The following SNTG1 variants were observed in gnomAD, a reference collection of about 807,000 sequenced individuals.
The protein encoded by SNTG1 is gamma-1-syntrophin.
A neutral mutation model predicts 74.7 loss-of-function variants in SNTG1; 39 were observed. The ratio of observed to expected loss-of-function variants is 0.52; its 90% CI spans 0.40 to 0.68. The LOEUF (loss-of-function observed/expected upper bound fraction) is 0.68. Ranked by LOEUF, SNTG1 falls within the 30% of genes least tolerant of loss-of-function variation. The probability of loss-of-function intolerance (pLI) is 0.00; values close to 1 mark genes in which losing one functional copy is unlikely to be tolerated. For missense variants in SNTG1, 685 were observed against 609.5 expected (o/e 1.12, Z -1.30); for synonymous variants, 254 against 217.1 (o/e 1.17, Z -1.49).
chr8:50,711,953 A>G (rs2095462764), intron 17 of SNTG1, among the ~76,000 whole-genome samples: 1 of 152,212 alleles, frequency 6.6e-6, no homozygotes, highest in Non-Finnish European at 1.5e-5. Context: ...TACTTAAATA[A>G]TTTACATAGC....
At chr8:50,475,170 ATGCATATGTAACAAACCTGCACGTTG>A (rs1228825921) in intron 8 of SNTG1, among the ~76,000 whole-genome samples, 1 of 151,960 alleles carries the variant, frequency 6.6e-6, no homozygotes, top group East Asian at 1.9e-4. Flanking sequence ...TGGCACATGT[ATGCATATGTAACAAACCTGCACGTTG>A]TGCATATGTA....
chr8:50,486,961 T>G (rs1409244503), intron 8 of SNTG1, among the ~76,000 whole-genome samples: 4 of 152,226 alleles, frequency 2.6e-5, no homozygotes, highest in Admixed American at 6.5e-5. Flanking sequence ...ATTTATTGAT[T>G]TGCATATATT....
intron 1 of SNTG1, among the ~76,000 whole-genome samples, chr8:50,043,466 T>A (rs892125828): frequency 2.6e-5 from 4 of 152,198 alleles, no homozygotes; most frequent in African/African-American, 9.7e-5. Context: ...CTTTCATTCC[T>A]TATTCACATT....
At chr8:50,249,939 T>C (rs1022483522) in intron 2 of SNTG1, among the ~76,000 whole-genome samples, 7 of 151,286 alleles carry the variant, frequency 4.6e-5, no homozygotes, top group African/African-American at 1.7e-4. Flanking sequence ...AACCACAAAA[T>C]AACAGGGTTC....
rs1482375164 is a variant in SNTG1, at chr8:50,115,576, A to AAAAAAAAAAAAAAAAAAAAAAAAAAAAAC, written c.-102-56974_-102-56973insAAAAAAAAAAAAAAAAACAAAAAAAAAAA. ...GAGCGAGACTCTGTCTCAAAAAAAA[A>AAAAAAAAAAAAAAAAAAAAAAAAAAAAAC]AAAAAAAAAAACGAGATGGTTGAAG... On this transcript the variant is annotated intron_variant, in intron 1 of 18. Transcript: ENST00000642720. Among the ~76,000 whole-genome samples, 11 of 82,900 alleles carry AAAAAAAAAAAAAAAAAAAAAAAAAAAAAC rather than the reference A, an allele frequency of 1.3e-4. 1 individual carries two copies. The highest frequency in any genetic ancestry group is 7.4e-4 in the Admixed American group (4 of 5,430). 54.4% of individuals were successfully genotyped at this position (82,900 alleles called of 152,430 possible). A position where few individuals can be genotyped will look rare whatever the true frequency, so the allele number is the denominator to read the frequency against.
intron 2 of SNTG1, among the ~76,000 whole-genome samples, chr8:50,219,613 G>A (rs1158476901): frequency 6.6e-6 from 1 of 152,116 alleles, no homozygotes; most frequent in African/African-American, 2.4e-5. Flanking sequence ...GCTGGAGCAG[G>A]AGGAAGAGAG....
At chr8:50,510,049 G>GT (rs1274027211) in intron 9 of SNTG1, among the ~76,000 whole-genome samples, 1 of 152,096 alleles carries the variant, frequency 6.6e-6, no homozygotes, top group South Asian at 2.1e-4. Flanking sequence ...TTGGCTGTGG[G>GT]TTTGTCATAG....
chr8:50,250,639 C>T (rs975926000), intron 2 of SNTG1, among the ~76,000 whole-genome samples: 17 of 151,824 alleles, frequency 1.1e-4, no homozygotes, highest in African/African-American at 3.9e-4. Context: ...CTCTGCATGC[C>T]AGGAAAAAAA....
intron 2 of SNTG1, among the ~76,000 whole-genome samples, chr8:50,254,100 G>A (rs1022984386): frequency 1.3e-4 from 20 of 152,042 alleles, no homozygotes; most frequent in Non-Finnish European, 2.6e-4. Context: ...GGATACACTC[G>A]ATACCTTGAT....
intron 2 of SNTG1, among the ~76,000 whole-genome samples, chr8:50,324,715 TGA>T (rs2090669083): frequency 6.6e-6 from 1 of 152,026 alleles, no homozygotes; most frequent in Non-Finnish European, 1.5e-5. Context: ...CTCATTTCCT[TGA>T]GAGTGTCAAT....
chr8:50,213,136 TCAGA>T (rs1360202251), intron 2 of SNTG1, among the ~76,000 whole-genome samples: 1 of 152,212 alleles, frequency 6.6e-6, no homozygotes, highest in Non-Finnish European at 1.5e-5. Flanking sequence ...TCGAAAATTC[TCAGA>T]CAGGCTTGCT....
chr8:49,957,308 T>A (rs1163951705), intron 1 of SNTG1, among the ~76,000 whole-genome samples: 1 of 152,238 alleles, frequency 6.6e-6, no homozygotes, highest in African/African-American at 2.4e-5. Flanking sequence ...CCTGAGCTAA[T>A]TTTAGCTATG....
At chr8:50,437,671 G>A (rs1034903783) in intron 4 of SNTG1, among the ~76,000 whole-genome samples, 1 of 152,168 alleles carries the variant, frequency 6.6e-6, no homozygotes, top group Non-Finnish European at 1.5e-5. Context: ...AAAAGGGTCA[G>A]TGTCTCAAAT....
chr8:49,973,726 A>T (rs1811935293), intron 1 of SNTG1, among the ~76,000 whole-genome samples: 1 of 152,222 alleles, frequency 6.6e-6, no homozygotes, highest in South Asian at 2.1e-4. Context: ...AGTTGAACTT[A>T]AAACTGTAGA....
At chr8:49,921,622 C>A (rs963023505) in intron 1 of SNTG1, among the ~76,000 whole-genome samples, 1 of 152,086 alleles carries the variant, frequency 6.6e-6, no homozygotes, top group African/African-American at 2.4e-5. Context: ...GGTGATGCTG[C>A]ATTTCTGGGA....
At chr8:50,762,604 C>T (rs142860871) in intron 18 of SNTG1, 2 of 401,332 alleles carry the variant, frequency 5.0e-6, no homozygotes, top group Non-Finnish European at 9.9e-6. Context: ...AATACACCAT[C>T]AGTGTATCCT....
At chr8:50,186,313 G>A (rs2083383061) in intron 2 of SNTG1, among the ~76,000 whole-genome samples, 1 of 152,030 alleles carries the variant, frequency 6.6e-6, no homozygotes, top group Admixed American at 6.6e-5. Flanking sequence ...GTAAATATAT[G>A]TGTGCATGTA....
intron 1 of SNTG1, among the ~76,000 whole-genome samples, chr8:49,959,440 G>A (rs867540165): frequency 1.9e-4 from 28 of 150,798 alleles, no homozygotes; most frequent in Middle Eastern, 3.4e-3. Context: ...CACGCTAGCA[G>A]TCACTCCCCA....
At chr8:50,129,884 T>C (rs1278232918) in intron 1 of SNTG1, among the ~76,000 whole-genome samples, 1 of 152,104 alleles carries the variant, frequency 6.6e-6, no homozygotes, top group Non-Finnish European at 1.5e-5. Context: ...GCAATCCTCT[T>C]GCCTCCACCT....
Sources: gnomAD v4.1 joint callset for allele counts (sites outside exome capture counted in the v4.1 genomes callset) on GRCh38, gnomAD v4.1.1 for gene constraint, MANE v1.5 for transcripts, NCBI Gene and HGNC (gene_info 2026-07-23, HGNC 2026-07-21) for gene names.